The following MAGI2 variants were observed in gnomAD, a reference collection of about 807,000 sequenced individuals.
MAGI2 encodes membrane associated guanylate kinase, WW and PDZ domain containing 2.
Under a neutral mutation model 133.3 loss-of-function variants are expected in MAGI2, and 35 were observed. The observed-to-expected ratio is 0.26, with a 90% CI of 0.20 to 0.35. The LOEUF is 0.35. Among genes scored for constraint, MAGI2 ranks in the 10% least tolerant of loss-of-function variants. The probability of loss-of-function intolerance (pLI) is 1.00; values close to 1 mark genes in which losing one functional copy is unlikely to be tolerated. For synonymous variants in MAGI2, 729 were observed against 710.6 expected (o/e 1.03, Z -0.41); for missense variants, 1,636 against 1,863.4 (o/e 0.88, Z 2.25).
chr7:78,274,883 G>A, intron 9 of MAGI2, among the ~76,000 whole-genome samples: 1 of 152,190 alleles, frequency 6.6e-6, no homozygotes. Flanking sequence ...GGCTCTGTGG[G>A]GGTGGGACCC....
At chr7:78,361,945 G>A (rs1322448583) in intron 7 of MAGI2, among the ~76,000 whole-genome samples, 1 of 152,152 alleles carries the variant, frequency 6.6e-6, no homozygotes, top group Non-Finnish European at 1.5e-5. Context: ...TGCCTGGATG[G>A]TAGTGGTGAG....
At chr7:78,202,467 A>G (rs1584373678) in intron 10 of MAGI2, among the ~76,000 whole-genome samples, 1 of 151,890 alleles carries the variant, frequency 6.6e-6, no homozygotes, top group African/African-American at 2.4e-5. Context: ...CGGATTACCC[A>G]AGGTCGGGAG....
chr7:78,903,726 G>A (rs1211825206), intron 2 of MAGI2, among the ~76,000 whole-genome samples: 2 of 149,458 alleles, frequency 1.3e-5, no homozygotes, highest in Admixed American at 6.6e-5. Flanking sequence ...GTCACCAAAG[G>A]CAAAAGTGTG....
In MAGI2 at chr7:79,136,040, A is replaced by G. The variant is rs10248484; in HGVS notation, c.302-128834T>C. ...AAGAAAGAAAGAAGGAAAGAAAGAA[A>G]GAAAGAAGGAAAGAAAGAAAGAAAG... On this transcript the variant is annotated intron_variant, in intron 1 of 21. Coordinates refer to ENST00000354212, the MANE Select transcript of MAGI2 (RefSeq NM_012301.4). Among the ~76,000 whole-genome samples the G allele has an allele frequency of 8.0e-3, 1,108 of 139,340 alleles. 30 individuals are homozygous for G. The highest frequency in any genetic ancestry group is 0.031 in the African/African-American group (1,015 of 33,134). 91.4% of individuals were successfully genotyped at this position (139,340 alleles called of 152,430 possible).
At chr7:79,092,189 G>C (rs1027549524) in intron 1 of MAGI2, among the ~76,000 whole-genome samples, 7 of 152,136 alleles carry the variant, frequency 4.6e-5, no homozygotes, top group African/African-American at 1.7e-4. Context: ...ATGAAATTCA[G>C]CTAAGCGTTT....
intron 1 of MAGI2, among the ~76,000 whole-genome samples, chr7:79,078,077 T>G (rs193119710): frequency 6.2e-4 from 94 of 152,326 alleles, no homozygotes; most frequent in Non-Finnish European, 8.5e-4. Context: ...GATAAGACCT[T>G]ATCTATAAGT....
At chr7:78,895,241 G>C (rs932539054) in intron 2 of MAGI2, among the ~76,000 whole-genome samples, 2 of 152,086 alleles carry the variant, frequency 1.3e-5, no homozygotes, top group African/African-American at 2.4e-5. Flanking sequence ...GCCACCTCAG[G>C]ACTCTGCAGA....
At chr7:78,830,331 A>C (rs1033656774) in intron 2 of MAGI2, among the ~76,000 whole-genome samples, 84 of 152,248 alleles carry the variant, frequency 5.5e-4, no homozygotes, top group African/African-American at 1.9e-3. Flanking sequence ...TTTATCTTTA[A>C]GAATTGTTTA....
chr7:78,149,515 T>C (rs1295316044), intron 16 of MAGI2, among the ~76,000 whole-genome samples: 1 of 152,212 alleles, frequency 6.6e-6, no homozygotes, highest in Non-Finnish European at 1.5e-5. Context: ...ACCCAGGTTT[T>C]ATTGTATTTC....
chr7:79,426,408 A>T (rs1847374582), intron 1 of MAGI2, among the ~76,000 whole-genome samples: 1 of 152,142 alleles, frequency 6.6e-6, no homozygotes, highest in African/African-American at 2.4e-5. Flanking sequence ...CATATAAAAA[A>T]TTGTCATTGT....
chr7:78,714,091 G>A (rs1321716522), intron 2 of MAGI2, among the ~76,000 whole-genome samples: 2 of 126,102 alleles, frequency 1.6e-5, no homozygotes, highest in Non-Finnish European at 3.3e-5. Context: ...AAAGAAAGAG[G>A]GGGGAAGAGA....
intron 2 of MAGI2, among the ~76,000 whole-genome samples, chr7:79,002,869 G>GTC (rs1436058077): frequency 6.9e-6 from 1 of 145,864 alleles, no homozygotes; most frequent in Non-Finnish European, 1.5e-5. Flanking sequence ...AAGTGTGTGT[G>GTC]TGTGTGTGTG....
At chr7:78,142,827 GA>G (rs1205718838) in intron 16 of MAGI2, among the ~76,000 whole-genome samples, 1 of 152,024 alleles carries the variant, frequency 6.6e-6, no homozygotes, top group Non-Finnish European at 1.5e-5. Context: ...CAGAGAGAAT[GA>G]AAAAACATTT....
intron 2 of MAGI2, among the ~76,000 whole-genome samples, chr7:78,769,969 C>G (rs890469191): frequency 6.6e-6 from 1 of 152,152 alleles, no homozygotes; most frequent in Non-Finnish European, 1.5e-5. Context: ...AGCATCTCTT[C>G]CTACTCCCCA....
At chr7:79,338,851 G>C (rs909388529) in intron 1 of MAGI2, among the ~76,000 whole-genome samples, 1 of 152,064 alleles carries the variant, frequency 6.6e-6, no homozygotes. Context: ...CCTACGGGGG[G>C]TACTCCCACT....
chr7:78,573,537 C>A (rs566847406), intron 3 of MAGI2, among the ~76,000 whole-genome samples: 1 of 146,090 alleles, frequency 6.8e-6, no homozygotes. Flanking sequence ...CCTTTCGGGT[C>A]GCTTGATAAA....
At chr7:79,114,407 A>G (rs1426940685) in intron 1 of MAGI2, among the ~76,000 whole-genome samples, 2 of 152,196 alleles carry the variant, frequency 1.3e-5, no homozygotes, top group Non-Finnish European at 2.9e-5. Flanking sequence ...TCTCTGAACT[A>G]TAAGGCAAAG....
intron 4 of MAGI2, among the ~76,000 whole-genome samples, chr7:78,506,720 G>T (rs1795124202): frequency 6.6e-6 from 1 of 152,200 alleles, no homozygotes; most frequent in Non-Finnish European, 1.5e-5. Context: ...CAGATCACTG[G>T]TGACACTGGC....
intron 3 of MAGI2, among the ~76,000 whole-genome samples, chr7:78,590,085 T>C (rs1325328618): frequency 1.3e-5 from 2 of 152,210 alleles, no homozygotes; most frequent in Non-Finnish European, 2.9e-5. Context: ...GAAGACAAAG[T>C]TGAAATTATA....
Sources: gnomAD v4.1 joint callset for allele counts (sites outside exome capture counted in the v4.1 genomes callset) on GRCh38, gnomAD v4.1.1 for gene constraint, MANE v1.5 for transcripts, NCBI Gene and HGNC (gene_info 2026-07-23, HGNC 2026-07-21) for gene names.